The following ARHGAP24 variants were observed in gnomAD, a reference collection of about 807,000 sequenced individuals.
ARHGAP24 encodes Rho GTPase activating protein 24.
A neutral mutation model predicts 76.4 loss-of-function variants in ARHGAP24; 50 were observed. The ratio of observed to expected loss-of-function variants is 0.65; its 90% confidence interval spans 0.52 to 0.83. The LOEUF (loss-of-function observed/expected upper bound fraction) is 0.83. ARHGAP24 is among the 40% of genes least tolerant of loss of function. The pLI is 0.00. For synonymous variants in ARHGAP24, 345 were observed against 323.3 expected, an observed-to-expected ratio of 1.07 and a Z score of -0.72; for missense variants, 930 against 914.2, an observed-to-expected ratio of 1.02 and a Z score of -0.22.
At chr4:85,598,284 T>C (rs375469479) in intron 2 of ARHGAP24, among the ~76,000 whole-genome samples, 35 of 152,236 alleles carry the variant, frequency 2.3e-4, no homozygotes, top group African/African-American at 7.7e-4. Context: ...AGAGTTCAAA[T>C]AGTCCAAATA....
intron 1 of ARHGAP24, among the ~76,000 whole-genome samples, chr4:85,517,702 C>T (rs1011491799): frequency 2.0e-5 from 3 of 151,754 alleles, no homozygotes; most frequent in African/African-American, 7.3e-5. Flanking sequence ...CAATGCTTAC[C>T]CGGTTTAATA....
At chr4:85,973,833 GTTTTTTTTTTTTT>G (rs1199796194) in intron 6 of ARHGAP24, among the ~76,000 whole-genome samples, 2 of 42,820 alleles carry the variant, frequency 4.7e-5, no homozygotes, top group East Asian at 1.5e-3. Context: ...GCTGCCTATT[GTTTTTTTTTTTTT>G]TTTTTTTTTT....
chr4:85,957,558 G>A (rs1310450861), intron 5 of ARHGAP24, among the ~76,000 whole-genome samples: 1 of 152,104 alleles, frequency 6.6e-6, no homozygotes, highest in African/African-American at 2.4e-5. Context: ...TAGTATTTCT[G>A]TTAAGTTATT....
rs571135959 is a variant in ARHGAP24, at chr4:85,830,147, T to C, written c.269-93501T>C. Among the ~76,000 whole-genome samples the C allele has an allele frequency of 3.9e-5, 6 of 152,386 alleles. No homozygotes were observed. In the South Asian group the frequency reaches 1.2e-3, roughly 32 times the overall value. ...ACACATTGTGTCCTTGCTTTCTTCC[T>C]TCTTTCAGCTTTACACTTTTCTTCT... is the stretch of plus-strand genomic sequence containing the variant. On this transcript the variant is annotated intron_variant, in intron 3 of 9. Transcript: ENST00000395184.
chr4:85,932,317 C>T (rs1185608000), intron 4 of ARHGAP24, among the ~76,000 whole-genome samples: 1 of 152,142 alleles, frequency 6.6e-6, no homozygotes, highest in East Asian at 1.9e-4. Context: ...GTTTCCCCTT[C>T]TAGTTCCCCA....
At chr4:85,961,593 G>T (rs1738254450) in intron 5 of ARHGAP24, among the ~76,000 whole-genome samples, 2 of 152,020 alleles carry the variant, frequency 1.3e-5, no homozygotes, top group South Asian at 2.1e-4. Flanking sequence ...GGTGAATATG[G>T]CAGGAAATGA....
intron 3 of ARHGAP24, among the ~76,000 whole-genome samples, chr4:85,819,890 A>G (rs1176882172): frequency 1.3e-5 from 2 of 152,156 alleles, no homozygotes; most frequent in Admixed American, 1.3e-4. Context: ...ATTGCACTCC[A>G]TCATGATTGA....
At chr4:85,478,202 T>C (rs543674302) in intron 1 of ARHGAP24, among the ~76,000 whole-genome samples, 1 of 152,218 alleles carries the variant, frequency 6.6e-6, no homozygotes, top group Non-Finnish European at 1.5e-5. Flanking sequence ...AATGGAACGA[T>C]GCCTGTTTGC....
chr4:85,855,590 G>A lies in ARHGAP24; in HGVS notation c.269-68058G>A, dbSNP rs141769563. On this transcript the variant is annotated intron_variant, in intron 3 of 9. Transcript: ENST00000395184. The stretch of plus-strand genomic sequence containing the variant: ...GTGTATCACCTGAGGTCAGCAGTTC[G>A]AGACCAGCCTGACCAACATGGTGAA... 2.6e-5 allele frequency among the ~76,000 whole-genome samples: 4 copies of A among 152,032 alleles called. No homozygotes were observed. The East Asian group carries it at 7.8e-4, about 29-fold the overall frequency.
At chr4:85,916,107 C>CTGGTGTGAT (rs1409910587) in intron 3 of ARHGAP24, among the ~76,000 whole-genome samples, 2 of 152,106 alleles carry the variant, frequency 1.3e-5, no homozygotes, top group Non-Finnish European at 2.9e-5. Flanking sequence ...TTAATGATCG[C>CTGGTGTGAT]CATTCTAACT....
intron 9 of ARHGAP24, among the ~76,000 whole-genome samples, chr4:85,996,887 A>T (rs1302690167): frequency 3.3e-5 from 5 of 152,230 alleles, no homozygotes; most frequent in African/African-American, 1.2e-4. Context: ...AAGGGGTCAC[A>T]CTTTAAATGT....
chr4:85,837,013 C>A (rs1730328917), intron 3 of ARHGAP24, among the ~76,000 whole-genome samples: 1 of 151,872 alleles, frequency 6.6e-6, no homozygotes, highest in East Asian at 2.0e-4. Flanking sequence ...TGCAGGGACT[C>A]CCTAAATATG....
intron 2 of ARHGAP24, among the ~76,000 whole-genome samples, chr4:85,595,807 A>T (rs185212530): frequency 1.3e-5 from 2 of 152,072 alleles, no homozygotes; most frequent in Admixed American, 6.6e-5. Flanking sequence ...AAGGAGTCTG[A>T]TAACTAATGC....
intron 1 of ARHGAP24, among the ~76,000 whole-genome samples, chr4:85,496,616 C>G (rs1035506985): frequency 6.6e-6 from 1 of 152,220 alleles, no homozygotes; most frequent in South Asian, 2.1e-4. Context: ...CAACAGCATA[C>G]TGATAAAAAT....
At chr4:85,475,802 C>CGCAT (rs1722574291) in intron 1 of ARHGAP24, among the ~76,000 whole-genome samples, 1 of 151,652 alleles carries the variant, frequency 6.6e-6, no homozygotes, top group African/African-American at 2.4e-5. Context: ...TGCGCGCGCG[C>CGCAT]GCATGTTTGT....
At chr4:85,791,453 G>C (rs762159645) in intron 3 of ARHGAP24, among the ~76,000 whole-genome samples, 1 of 152,140 alleles carries the variant, frequency 6.6e-6, no homozygotes. Flanking sequence ...GTTATGAAAG[G>C]TATTCACCAA....
intron 4 of ARHGAP24, among the ~76,000 whole-genome samples, chr4:85,932,874 G>A (rs1736422534): frequency 6.6e-6 from 1 of 152,118 alleles, no homozygotes; most frequent in African/African-American, 2.4e-5. Flanking sequence ...TCTGCAGTGG[G>A]GTCCTGGGAG....
chr4:85,683,350 T>C (rs1723299164), intron 2 of ARHGAP24, among the ~76,000 whole-genome samples: 1 of 152,086 alleles, frequency 6.6e-6, no homozygotes, highest in Admixed American at 6.6e-5. Flanking sequence ...TCCTAGCCCA[T>C]GAAGGGGAGC....
intron 2 of ARHGAP24, among the ~76,000 whole-genome samples, chr4:85,584,439 TG>T (rs1727756912): frequency 9.2e-6 from 1 of 108,572 alleles, no homozygotes; most frequent in Non-Finnish European, 1.9e-5. Flanking sequence ...TGAGGACTGT[TG>T]TGGGGTTGGG....
Sources: allele counts gnomAD v4.1 joint callset (sites outside exome capture counted in the v4.1 genomes callset), GRCh38; gene constraint gnomAD v4.1.1; transcripts MANE v1.5; gene names NCBI Gene and HGNC (gene_info 2026-07-23, HGNC 2026-07-21).